Variants in WNT10A observed in about 807,000 individuals in gnomAD.
WNT10A encodes protein Wnt-10a.
In WNT10A, 37 loss-of-function variants were observed where a neutral mutation model predicts 36.1. The ratio of observed to expected loss-of-function variants is 1.02; its 90% CI spans 0.79 to 1.35. The LOEUF (loss-of-function observed/expected upper bound fraction) is 1.35. Ranked by LOEUF, WNT10A falls within the 40% of genes most tolerant of loss-of-function variation. WNT10A has a pLI of 0.00. For synonymous variants in WNT10A, 255 were observed against 254.1 expected (o/e 1.00, Z -0.03); for missense variants, 613 against 601.4 (o/e 1.02, Z -0.20).
At chr2:218,890,394 A>G in intron 3 of WNT10A, 31 bp downstream of exon 3, 1 of 1,598,932 alleles carries the variant, frequency 6.3e-7, no homozygotes, top group Non-Finnish European at 8.5e-7. Context: ...TCTGCTTCAA[A>G]TCTCTTTGCC....
chr2:218,881,336 G>A (rs1313676018), intron 1 of WNT10A, among the ~76,000 whole-genome samples: 1 of 152,116 alleles, frequency 6.6e-6, no homozygotes, highest in Non-Finnish European at 1.5e-5. Context: ...GAGCATGATG[G>A]CAACTAGGAG....
At chr2:218,892,533 G>A (rs1944665293) in intron 3 of WNT10A, among the ~76,000 whole-genome samples, 1 of 152,194 alleles carries the variant, frequency 6.6e-6, no homozygotes, top group Admixed American at 6.5e-5. Flanking sequence ...GAGGAGGGGA[G>A]CCGGCAGGTG....
chr2:218,875,325 A>T, the WNT10A span, among the ~76,000 whole-genome samples: 1 of 150,568 alleles, frequency 6.6e-6, no homozygotes, highest in African/African-American at 2.4e-5. Flanking sequence ...AGTAGCTGGG[A>T]CTACAGGCGC....
At chr2:218,892,411 AC>A (rs1434779255) in intron 3 of WNT10A, among the ~76,000 whole-genome samples, 2 of 147,058 alleles carry the variant, frequency 1.4e-5, no homozygotes, top group African/African-American at 5.1e-5. Flanking sequence ...CCTGGCCCCT[AC>A]CCCAGGGGTG....
At chr2:218,877,259 T>C (rs546756301), upstream of WNT10A, among the ~76,000 whole-genome samples, 1 of 152,348 alleles carries the variant, frequency 6.6e-6, no homozygotes, top group South Asian at 2.1e-4. The surrounding 1 kb of genome is among the most constrained non-coding windows in gnomAD (Gnocchi z 4.1). Flanking sequence ...TGATTGCTTT[T>C]TAGCACATTG....
intron 3 of WNT10A, among the ~76,000 whole-genome samples, chr2:218,892,381 G>A (rs369114658): frequency 6.6e-4 from 97 of 146,950 alleles, no homozygotes; most frequent in African/African-American, 2.2e-3. Flanking sequence ...GAGATACAGC[G>A]GGGCCAGCAC....
chr2:218,890,499 A>C (rs904850960), intron 3 of WNT10A, 136 bp downstream of exon 3: 2 of 1,315,650 alleles, frequency 1.5e-6, no homozygotes, highest in Non-Finnish European at 2.1e-6. Context: ...ACCCTGTCTA[A>C]TTCAACAAAC....
Position 218,892,583 on chromosome 2 carries a change from G to C in WNT10A, c.757-191G>C, listed in dbSNP as rs566381838. On this transcript the variant is annotated intron_variant, in intron 3 of 3. Transcript: ENST00000258411. ...GCCTGGCCTGGTGGGAGGTGGGTGG[G>C]AGAGGCAGAGGCAGAGGCAGAAGAG... 2.6e-5 allele frequency among the ~76,000 whole-genome samples: 4 copies of C among 152,324 alleles called. No individual in the cohort carries two copies. In the East Asian group the frequency reaches 7.7e-4, roughly 29 times the overall value.
At chr2:218,887,505 C>A (rs569228786) in intron 2 of WNT10A, among the ~76,000 whole-genome samples, 2 of 152,322 alleles carry the variant, frequency 1.3e-5, no homozygotes, top group Admixed American at 1.3e-4. Flanking sequence ...GCAGCTCCTG[C>A]TAATTCCCAG....
At chr2:218,892,170 G>T (rs1944657994) in intron 3 of WNT10A, among the ~76,000 whole-genome samples, 1 of 152,030 alleles carries the variant, frequency 6.6e-6, no homozygotes, top group East Asian at 1.9e-4. Flanking sequence ...AGCATAATCG[G>T]GGACAGTTTC....
chr2:218,874,843 GCT>G, the WNT10A span, among the ~76,000 whole-genome samples: 2 of 152,138 alleles, frequency 1.3e-5, no homozygotes, highest in Admixed American at 6.5e-5. Context: ...AAGGGATTTC[GCT>G]CTGTTTCAGT....
chr2:218,890,183 C>T lies in WNT10A; in HGVS notation c.576C>T (p.Val192=), dbSNP rs759379609. 6.2e-6 allele frequency: 10 copies of T among 1,613,958 alleles called. No homozygotes were observed. In the African/African-American group the frequency reaches 1.1e-4, roughly 17 times the overall value. The change falls in exon 3 of 4, where the codon GTC becomes GTT. Residue 192 remains valine, a synonymous_variant. Transcript: ENST00000258411. The part of the protein sequence containing the change: ...LQRGKGLSHG[V]PEHPALPTAS... ...GTGGTAAGGGCCTGAGCCATGGGGTCCCGGAACACCCAGCCCTGCCCACAG... is the reference window on the plus strand; with the variant it reads ...GTGGTAAGGGCCTGAGCCATGGGGTTCCGGAACACCCAGCCCTGCCCACAG...
chr2:218,890,784 G>T (rs1944642429), intron 3 of WNT10A, among the ~76,000 whole-genome samples: 1 of 152,136 alleles, frequency 6.6e-6, no homozygotes, highest in African/African-American at 2.4e-5. Context: ...ATGATCCAGT[G>T]ATCTCTCCCA....
At position 218,892,897 on chromosome 2, in the gene WNT10A, T is replaced by G. The variant is rs758566891; in HGVS notation, c.880T>G (p.Phe294Val). The G allele has an allele frequency of 3.0e-5, 46 of 1,551,232 alleles. No individual in the cohort carries two copies. Among genetic ancestry groups the G allele is most frequent in the Non-Finnish European group, 4.0e-5 (46 of 1,151,656 alleles). Residue 294 changes from phenylalanine (F) to valine (V), a missense_variant, in exon 4 of 4, where the codon TTC (phenylalanine) becomes GTC (valine). By Grantham distance (50) the Phe-to-Val change is conservative. Transcript: ENST00000258411. Reference sequence around the variant, plus strand: ...CGTGGGGGCGCTGCTGCGCAGCCGCTTCCACCGCGCCACGCTCATCCGGCC... The same window carrying G: ...CGTGGGGGCGCTGCTGCGCAGCCGCGTCCACCGCGCCACGCTCATCCGGCC... ...RTVGALLRSR[F>V]HRATLIRPHN...
At chr2:218,880,693 C>G (rs1171386934), upstream of WNT10A, 7 of 339,798 alleles carry the variant, frequency 2.1e-5, no homozygotes, top group Non-Finnish European at 3.2e-5. The surrounding 1 kb of genome is among the most constrained non-coding windows in gnomAD (Gnocchi z 7.7). Flanking sequence ...CCGGGCCCCC[C>G]TTACCCTTGA....
At chr2:218,881,819 C>A (rs1944520212) in intron 1 of WNT10A, among the ~76,000 whole-genome samples, 1 of 152,120 alleles carries the variant, frequency 6.6e-6, no homozygotes, top group Non-Finnish European at 1.5e-5. Flanking sequence ...GTGACTGAAA[C>A]ATATCTGTGG....
chr2:218,882,986 G>A lies in WNT10A; in HGVS notation c.376+563G>A, dbSNP rs4674346. On this transcript the variant is annotated intron_variant, in intron 2 of 3. Coordinates refer to ENST00000258411, the MANE Select transcript of WNT10A (RefSeq NM_025216.3). ...AATCAGAGGTGCTGGGTGTGTGTGTGCCTGTGTGCAGTGGCTCCTGCCAGC... is the reference window on the plus strand; with the variant it reads ...AATCAGAGGTGCTGGGTGTGTGTGTACCTGTGTGCAGTGGCTCCTGCCAGC... Among the ~76,000 whole-genome samples, 414 of 152,346 alleles carry A rather than the reference G, an allele frequency of 2.7e-3. 4 individuals are homozygous for A. The highest frequency in any genetic ancestry group is 4.9e-3 in the Non-Finnish European group (335 of 68,028).
intron 1 of WNT10A, 36 bp from the exon 2 acceptor site, chr2:218,882,125 C>A (rs1319170612): frequency 6.2e-7 from 1 of 1,603,510 alleles, no homozygotes; most frequent in Non-Finnish European, 8.5e-7. Flanking sequence ...CTGGTCCCCC[C>A]AAAACACGTA....
upstream of WNT10A, among the ~76,000 whole-genome samples, chr2:218,876,367 C>G (rs1944453356): frequency 6.6e-6 from 1 of 152,178 alleles, no homozygotes; most frequent in Admixed American, 6.5e-5. Flanking sequence ...CTGGATGTGA[C>G]AGACCCTCAC....
Sources: allele counts gnomAD v4.1 joint callset (sites outside exome capture counted in the v4.1 genomes callset), GRCh38; gene constraint gnomAD v4.1.1; non-coding constraint Gnocchi (gnomAD v3.1); transcripts MANE v1.5; gene names NCBI Gene and HGNC (gene_info 2026-07-23, HGNC 2026-07-21).